AFG2A: variants seen among roughly 807,000 people sequenced by gnomAD.
The protein encoded by AFG2A is AAA ATPase AFG2A, also known as ATPase family gene 2 protein homolog A.
the AFG2A span, among the ~76,000 whole-genome samples, chr4:123,311,358 G>T: frequency 2.0e-5 from 3 of 151,950 alleles, no homozygotes; most frequent in East Asian, 1.9e-4. Flanking sequence ...CTGGGCTCGG[G>T]GGCTCACACC....
chr4:122,965,694 TAGTG>T, the AFG2A span, among the ~76,000 whole-genome samples: 1 of 152,200 alleles, frequency 6.6e-6, no homozygotes, highest in African/African-American at 2.4e-5. Context: ...ACTCCAAAGT[TAGTG>T]AGAAGAGGAA....
the AFG2A span, among the ~76,000 whole-genome samples, chr4:122,940,999 G>A: frequency 2.8e-4 from 43 of 151,786 alleles, no homozygotes; most frequent in African/African-American, 9.9e-4. Flanking sequence ...CTATATCTCT[G>A]TTTTGGTACC....
the AFG2A span, among the ~76,000 whole-genome samples, chr4:123,100,296 T>C: frequency 6.6e-6 from 1 of 151,896 alleles, no homozygotes; most frequent in South Asian, 2.1e-4. Context: ...CCCTAAACCC[T>C]CTATACCTCT....
chr4:122,969,775 A>C, the AFG2A span, among the ~76,000 whole-genome samples: 1 of 152,164 alleles, frequency 6.6e-6, no homozygotes, highest in African/African-American at 2.4e-5. Context: ...TGGTAGTTTT[A>C]TGTGAAAAGT....
At chr4:123,217,756 A>G in the AFG2A span, among the ~76,000 whole-genome samples, 2 of 152,202 alleles carry the variant, frequency 1.3e-5, no homozygotes, top group African/African-American at 2.4e-5. Context: ...GAGACATGGT[A>G]TCCTGGAGTG....
chr4:123,241,891 C>G, the AFG2A span, among the ~76,000 whole-genome samples: 1 of 152,212 alleles, frequency 6.6e-6, no homozygotes, highest in East Asian at 1.9e-4. Flanking sequence ...CCCATCGTCT[C>G]AGCCCAAAAT....
chr4:122,996,288 T>A, the AFG2A span, among the ~76,000 whole-genome samples: 3 of 152,174 alleles, frequency 2.0e-5, no homozygotes, highest in Non-Finnish European at 4.4e-5. Context: ...AATACACATA[T>A]ATGCTTTGTG....
At chr4:123,164,422 G>C in the AFG2A span, among the ~76,000 whole-genome samples, 264 of 152,276 alleles carry the variant, frequency 1.7e-3, no homozygotes, top group African/African-American at 6.0e-3. Context: ...GGAGTGCAGT[G>C]ACACGATCTC....
At chr4:123,240,135 A>C in the AFG2A span, among the ~76,000 whole-genome samples, 4 of 152,194 alleles carry the variant, frequency 2.6e-5, no homozygotes, top group African/African-American at 9.6e-5. Context: ...TAACTATCCT[A>C]AATATATATG....
chr4:123,314,068 AATATAT>A, the AFG2A span: 2 of 1,523,780 alleles, frequency 1.3e-6, no homozygotes, highest in Non-Finnish European at 1.8e-6. Context: ...ACTCTGAGAA[AATATAT>A]ATATTCAAGA....
the AFG2A span, among the ~76,000 whole-genome samples, chr4:122,990,409 C>T: frequency 6.6e-6 from 1 of 152,110 alleles, no homozygotes; most frequent in Non-Finnish European, 1.5e-5. Context: ...AGAGTCTGGC[C>T]TAGTTGTATC....
chr4:122,992,677 T>G, the AFG2A span, among the ~76,000 whole-genome samples: 1 of 152,240 alleles, frequency 6.6e-6, no homozygotes, highest in Non-Finnish European at 1.5e-5. Flanking sequence ...TATTTAAGTT[T>G]GCAAGAAAGG....
the AFG2A span, among the ~76,000 whole-genome samples, chr4:123,163,853 C>G: frequency 6.6e-6 from 1 of 152,140 alleles, no homozygotes; most frequent in Non-Finnish European, 1.5e-5. Context: ...TGACTAATGT[C>G]CAGGCACACT....
the AFG2A span, among the ~76,000 whole-genome samples, chr4:122,952,566 G>T: frequency 6.6e-6 from 1 of 152,204 alleles, no homozygotes. Context: ...TGGCTGATAA[G>T]CCTGGACTCT....
chr4:123,243,735 TA>T, the AFG2A span, among the ~76,000 whole-genome samples: 1 of 150,422 alleles, frequency 6.6e-6, no homozygotes. Flanking sequence ...ACCCTGTAAT[TA>T]AAAAAAAAAT....
At chr4:123,071,171 T>C in the AFG2A span, among the ~76,000 whole-genome samples, 1 of 152,256 alleles carries the variant, frequency 6.6e-6, no homozygotes, top group Non-Finnish European at 1.5e-5. Flanking sequence ...TAAATTGAAC[T>C]GTGAGTTTAA....
the AFG2A span, among the ~76,000 whole-genome samples, chr4:123,313,404 G>A: frequency 2.0e-5 from 3 of 152,216 alleles, no homozygotes; most frequent in African/African-American, 7.2e-5. Context: ...ATACATCAAA[G>A]GTTGAAAGGA....
At chr4:123,252,362 T>C in the AFG2A span, among the ~76,000 whole-genome samples, 1 of 152,104 alleles carries the variant, frequency 6.6e-6, no homozygotes, top group Non-Finnish European at 1.5e-5. Flanking sequence ...ATAAAACAAA[T>C]TAACTATGAG....
chr4:122,956,538 CATCAGT>C, the AFG2A span, among the ~76,000 whole-genome samples: 1 of 44,728 alleles, frequency 2.2e-5, no homozygotes, highest in Non-Finnish European at 5.7e-5. Flanking sequence ...GTAAGGAGAG[CATCAGT>C]TGATAAAGTA....
Sources: allele counts gnomAD v4.1 joint callset (sites outside exome capture counted in the v4.1 genomes callset), GRCh38; gene constraint gnomAD v4.1.1; transcripts MANE v1.5; gene names NCBI Gene and HGNC (gene_info 2026-07-23, HGNC 2026-07-21).